PCDHGB4: variants seen among roughly 807,000 people sequenced by gnomAD.
The protein encoded by PCDHGB4 is protocadherin gamma subfamily B, 4.
Under a neutral mutation model 60.5 loss-of-function variants are expected in PCDHGB4, and 38 were observed. The ratio of observed to expected loss-of-function variants is 0.63; its 90% CI spans 0.48 to 0.82. PCDHGB4 has a LOEUF of 0.82. Ranked by LOEUF, PCDHGB4 falls within the 40% of genes least tolerant of loss-of-function variation. The pLI is 0.00. For missense variants in PCDHGB4, 1,109 were observed against 1,209.6 expected (o/e 0.92, Z 1.23); for synonymous variants, 456 against 509.7 (o/e 0.89, Z 1.42).
chr5:141,422,061 A>G (rs1215523341), intron 1 of PCDHGB4: 3 of 1,612,074 alleles, frequency 1.9e-6, no homozygotes, highest in Non-Finnish European at 2.5e-6. Flanking sequence ...ACGGGGAAGT[A>G]ATGTATTCAT....
At chr5:141,444,725 T>C (rs1178418239) in intron 1 of PCDHGB4, among the ~76,000 whole-genome samples, 1 of 152,370 alleles carries the variant, frequency 6.6e-6, no homozygotes, top group East Asian at 1.9e-4. Flanking sequence ...TTGGTGCCTT[T>C]GTTGAAAGTC....
At chr5:141,413,082 A>T in intron 1 of PCDHGB4, 8 of 1,344,446 alleles carry the variant, frequency 6.0e-6, no homozygotes, top group Non-Finnish European at 8.1e-6. Context: ...CCCAGGCTAC[A>T]GAGACACCCT....
chr5:141,488,793 C>G (rs1274193018), intron 1 of PCDHGB4, among the ~76,000 whole-genome samples: 1 of 152,172 alleles, frequency 6.6e-6, no homozygotes, highest in African/African-American at 2.4e-5. Context: ...TTTGTCTTCC[C>G]TGTTGAGTAC....
At position 141,490,524 on chromosome 5, in the gene PCDHGB4, T is replaced by C. The variant is rs1197866164; in HGVS notation, c.2398-4283T>C. The C allele has an allele frequency of 1.2e-6, 2 of 1,613,990 alleles. No homozygotes were observed. Among genetic ancestry groups the C allele is most frequent in the Non-Finnish European group, 1.7e-6 (2 of 1,180,018 alleles). On this transcript the variant is annotated intron_variant, in intron 1 of 3. Transcript: ENST00000519479. The surrounding 1 kb of genome is among the most constrained non-coding windows in gnomAD (Gnocchi z 5.4). ...ATATCATCGAGCTGCTGGCCAGCGA[T>C]GCTGGTTCACCTTCCCTACACAAAC...
At chr5:141,445,282 T>G (rs1023693067) in intron 1 of PCDHGB4, among the ~76,000 whole-genome samples, 4 of 152,220 alleles carry the variant, frequency 2.6e-5, no homozygotes, top group Non-Finnish European at 5.9e-5. Context: ...TCTGCATAAG[T>G]TCAGGCTTCC....
At chr5:141,424,016 T>G in intron 1 of PCDHGB4, 16 of 1,038,360 alleles carry the variant, frequency 1.5e-5, no homozygotes, top group Non-Finnish European at 1.3e-5. Context: ...AAATTAATGA[T>G]TCACAAACAC....
chr5:141,413,445 C>A (rs764464917), intron 1 of PCDHGB4: 1 of 1,613,986 alleles, frequency 6.2e-7, no homozygotes, highest in Admixed American at 1.7e-5. Flanking sequence ...GCTTGATCAC[C>A]GCGGGCAGGA....
chr5:141,507,849 C>CA (rs2099864208), intron 3 of PCDHGB4, among the ~76,000 whole-genome samples: 1 of 152,222 alleles, frequency 6.6e-6, no homozygotes, highest in African/African-American at 2.4e-5. Flanking sequence ...GCCCTGCTCT[C>CA]ACTTTCACAC....
At chr5:141,427,897 C>T (rs866283444) in intron 1 of PCDHGB4, 1 of 1,571,008 alleles carries the variant, frequency 6.4e-7, no homozygotes. Context: ...CAGGGCTCGC[C>T]CGCGCTCAGC....
At position 141,393,532 on chromosome 5, in the gene PCDHGB4, C is replaced by G. The variant is rs1411410420; in HGVS notation, c.2397+3251C>G. 1.4e-5 allele frequency: 23 copies of G among 1,613,886 alleles called. No homozygotes were observed. Among genetic ancestry groups the G allele is most frequent in the Non-Finnish European group, 1.9e-5 (23 of 1,179,916 alleles). On this transcript the variant is annotated intron_variant, in intron 1 of 3. Transcript: ENST00000519479. The stretch of plus-strand genomic sequence containing the variant: ...GTGTTGGATACAAATGACAATGCCC[C>G]GGTTTTTCCTCACCCGATTTACCGA...
intron 2 of PCDHGB4, among the ~76,000 whole-genome samples, chr5:141,501,057 C>T (rs185929124): frequency 9.7e-4 from 147 of 151,960 alleles, no homozygotes; most frequent in African/African-American, 3.4e-3. Context: ...TTAGTAGAGA[C>T]GGGGTTTCAC....
chr5:141,467,912 G>A (rs879405529), intron 1 of PCDHGB4, among the ~76,000 whole-genome samples: 1 of 152,086 alleles, frequency 6.6e-6, no homozygotes, highest in Admixed American at 6.6e-5. Context: ...GCCCACCTCA[G>A]CCTCCCAAAA....
chr5:141,402,921 T>C (rs1486440819), intron 1 of PCDHGB4: 1 of 1,575,122 alleles, frequency 6.3e-7, no homozygotes. Context: ...CGCACAGAGA[T>C]CCTTTTGAGA....
chr5:141,450,908 G>A (rs1248622378), intron 1 of PCDHGB4, among the ~76,000 whole-genome samples: 12 of 147,640 alleles, frequency 8.1e-5, no homozygotes, highest in East Asian at 6.0e-4. Flanking sequence ...CACTGCAACC[G>A]CTGCCTCCCA....
chr5:141,431,768 G>T lies in PCDHGB4; in HGVS notation c.2397+41487G>T. 6.2e-7 allele frequency: 1 copy of T among 1,614,218 alleles called. No individual in the cohort carries two copies. The highest frequency in any genetic ancestry group is 8.5e-7 in the Non-Finnish European group (1 of 1,180,036). On this transcript the variant is annotated intron_variant, in intron 1 of 3. Coordinates refer to ENST00000519479, the MANE Select transcript of PCDHGB4 (RefSeq NM_003736.4). The surrounding 1 kb of genome is among the most constrained non-coding windows in gnomAD (Gnocchi z 4.8). ...TGCGCGAGCCAAAGTCCTGATCACT[G>T]TTCTGGACGTGAACGACAATGCCCC...
intron 1 of PCDHGB4, among the ~76,000 whole-genome samples, chr5:141,456,778 C>T (rs568292085): frequency 3.7e-4 from 57 of 152,242 alleles, no homozygotes; most frequent in African/African-American, 1.3e-3. Flanking sequence ...GCCTGGCCTA[C>T]ATGGCAAAAC....
intron 3 of PCDHGB4, among the ~76,000 whole-genome samples, chr5:141,509,633 GA>G (rs2099877629): frequency 6.6e-6 from 1 of 152,204 alleles, no homozygotes; most frequent in Non-Finnish European, 1.5e-5. Flanking sequence ...GGGTGATGCT[GA>G]GCCAGGGCCA....
chr5:141,453,560 G>A (rs1230229107), intron 1 of PCDHGB4, among the ~76,000 whole-genome samples: 3 of 151,968 alleles, frequency 2.0e-5, no homozygotes, highest in Admixed American at 6.6e-5. Flanking sequence ...GTAGATAATC[G>A]ATTTCATTAG....
intron 1 of PCDHGB4, chr5:141,427,536 G>T (rs758610182): frequency 1.6e-6 from 1 of 626,396 alleles, no homozygotes; most frequent in Non-Finnish European, 3.0e-6. Context: ...GGAGTACAAC[G>T]TCACCATCAC....
Sources: allele counts gnomAD v4.1 joint callset (sites outside exome capture counted in the v4.1 genomes callset), GRCh38; gene constraint gnomAD v4.1.1; non-coding constraint Gnocchi (gnomAD v3.1); transcripts MANE v1.5; gene names NCBI Gene and HGNC (gene_info 2026-07-23, HGNC 2026-07-21).